The following TNN variants were observed in gnomAD, a reference collection of about 807,000 sequenced individuals.
TNN encodes the protein tenascin N.
TNN carries 122 observed loss-of-function variants against 134.4 expected under a neutral mutation model. That is an observed-to-expected ratio of 0.91 (90% CI 0.78 to 1.06). The LOEUF (loss-of-function observed/expected upper bound fraction) is 1.06. TNN is among the 50% of genes least tolerant of loss of function. TNN has a pLI of 0.00. For missense variants in TNN, 1,739 were observed against 1,699.4 expected (o/e 1.02, Z -0.41); for synonymous variants, 710 against 670.3 (o/e 1.06, Z -0.91).
At chr1:175,086,342 T>C (rs1409088026) in intron 6 of TNN, among the ~76,000 whole-genome samples, 1 of 152,246 alleles carries the variant, frequency 6.6e-6, no homozygotes, top group African/African-American at 2.4e-5. Context: ...AAGTTTGTAA[T>C]TTATTAATCA....
chr1:175,128,239 G>A, intron 14 of TNN, 75 bp downstream of exon 14: 1 of 1,363,590 alleles, frequency 7.3e-7, no homozygotes, highest in Non-Finnish European at 1.0e-6. Flanking sequence ...AGGAGTCCAG[G>A]GAGGAGCAAG....
intron 6 of TNN, among the ~76,000 whole-genome samples, chr1:175,090,076 A>T (rs938198570): frequency 6.6e-6 from 1 of 152,170 alleles, no homozygotes; most frequent in African/African-American, 2.4e-5. Flanking sequence ...GACTTTGTAA[A>T]TATTATCTCT....
rs1160268455 is a variant in TNN at position 175,109,072 on chromosome 1, ATTTTTTT to A, written c.2120-7846_2120-7840del. On this transcript the variant is annotated intron_variant, in intron 9 of 18. Coordinates refer to ENST00000239462, the MANE Select transcript of TNN (RefSeq NM_022093.2). ...GAATGTATTTCTTCTATCTAACTGT[ATTTTTTT>A]TTTTTTTTTTTTTTTTTTTTGAGAC... Among the ~76,000 whole-genome samples, 51 of 61,978 alleles carry A rather than the reference ATTTTTTT, an allele frequency of 8.2e-4. 3 individuals are homozygous for A. Among genetic ancestry groups the A allele is most frequent in the South Asian group, 1.7e-3 (3 of 1,776 alleles). 40.7% of individuals were successfully genotyped at this position (61,978 alleles called of 152,430 possible). A position where few individuals can be genotyped will look rare whatever the true frequency, so the allele number is the denominator to read the frequency against.
Position 175,079,480 on chromosome 1 carries a change from GC to G in TNN, c.559del (p.Leu187CysfsTer94). On this transcript the variant is annotated frameshift_variant, in exon 3 of 19. Coordinates refer to ENST00000239462, the MANE Select transcript of TNN (RefSeq NM_022093.2). LOFTEE classifies it high-confidence loss of function. Reference protein sequence around the residue: ...SGHGRCVDGRCLCHEPYVGAD... With the variant: ...SGHGRCVDGRXLCHEPYVGAD... ...CACGGGCGTTGCGTGGACGGGCGCT[GC>G]CTGTGCCATGAGCCCTACGTGGGTG... 1 of 1,563,370 alleles carries G rather than the reference GC, an allele frequency of 6.4e-7. No individual in the cohort carries two copies. Among genetic ancestry groups the G allele is most frequent in the Non-Finnish European group, 8.6e-7 (1 of 1,156,074 alleles).
intron 9 of TNN, among the ~76,000 whole-genome samples, chr1:175,106,746 A>C (rs1674865425): frequency 6.9e-6 from 1 of 145,430 alleles, no homozygotes; most frequent in African/African-American, 2.5e-5. Flanking sequence ...TGTTGTCGGG[A>C]CCCCGGAGAT....
chr1:175,113,332 C>T lies in TNN; in HGVS notation c.2120-3607C>T, dbSNP rs145965463. Among the ~76,000 whole-genome samples the T allele has an allele frequency of 1.6e-3, 242 of 152,292 alleles. 2 individuals carry two copies. The South Asian group carries it at 0.021, about 13-fold the overall frequency. On this transcript the variant is annotated intron_variant, in intron 9 of 18. Transcript: ENST00000239462. The stretch of plus-strand genomic sequence containing the variant: ...GAATAGACTTGCTGGGTGTGGTATT[C>T]TCAGTTGACAGCTTTTTTTCCACCC...
At chr1:175,083,635 G>T in intron 4 of TNN, 115 bp from the exon 5 acceptor site, 1 of 950,608 alleles carries the variant, frequency 1.1e-6, no homozygotes, top group Non-Finnish European at 1.5e-6. Flanking sequence ...TGGGGCTGAA[G>T]CCAGCTCTTG....
intron 6 of TNN, among the ~76,000 whole-genome samples, chr1:175,092,860 C>T (rs998823707): frequency 6.6e-6 from 1 of 152,194 alleles, no homozygotes; most frequent in Non-Finnish European, 1.5e-5. Context: ...ATTATGACAG[C>T]CTTACCTTTG....
At chr1:175,136,780 A>G (rs763916887) in intron 16 of TNN, 41 bp from the exon 17 acceptor site, 29 of 1,596,154 alleles carry the variant, frequency 1.8e-5, no homozygotes, top group Non-Finnish European at 2.4e-5. Flanking sequence ...ACTCGCACAC[A>G]TGGGTTGATT....
chr1:175,074,983 C>G (rs953283952), intron 1 of TNN, among the ~76,000 whole-genome samples: 4 of 152,178 alleles, frequency 2.6e-5, no homozygotes, highest in Admixed American at 1.3e-4. Flanking sequence ...GTTTCCTTAC[C>G]TTTTGAGTGA....
intron 15 of TNN, among the ~76,000 whole-genome samples, chr1:175,133,750 G>C (rs1675731093): frequency 6.6e-6 from 1 of 152,176 alleles, no homozygotes; most frequent in African/African-American, 2.4e-5. Context: ...AATTAGGATA[G>C]AATGGGCTCC....
intron 16 of TNN, among the ~76,000 whole-genome samples, chr1:175,136,598 G>A (rs1675818306): frequency 6.6e-6 from 1 of 152,122 alleles, no homozygotes; most frequent in African/African-American, 2.4e-5. Flanking sequence ...TCCTTCTGGG[G>A]TTACCCTGCC....
intron 1 of TNN, among the ~76,000 whole-genome samples, chr1:175,071,162 T>A (rs1375115041): frequency 2.6e-5 from 4 of 152,154 alleles, no homozygotes; most frequent in Non-Finnish European, 5.9e-5. Context: ...CAAGGCAGGA[T>A]GAGATAATAA....
chr1:175,099,554 A>G (rs1674663620), intron 9 of TNN, among the ~76,000 whole-genome samples: 1 of 139,248 alleles, frequency 7.2e-6, no homozygotes, highest in Non-Finnish European at 1.5e-5. Flanking sequence ...GTAAGAGGAG[A>G]GGTAAGGGTC....
rs989882845 is a variant in TNN at position 175,070,223 on chromosome 1, C to A, written c.-36+2288C>A. Among the ~76,000 whole-genome samples the A allele has an allele frequency of 3.3e-5, 5 of 152,178 alleles. 1 individual carries two copies. Among genetic ancestry groups the A allele is most frequent in the Admixed American group, 3.3e-4 (5 of 15,282 alleles). The stretch of plus-strand genomic sequence containing the variant: ...CAAGAGGAGATTTTAAAGTGCTTTG[C>A]ACAGAGCCTGGCATGTAATAAATGC... On this transcript the variant is annotated intron_variant, in intron 1 of 18. Transcript: ENST00000239462.
chr1:175,111,105 G>A (rs1489175320), intron 9 of TNN, among the ~76,000 whole-genome samples: 2 of 152,006 alleles, frequency 1.3e-5, no homozygotes, highest in Non-Finnish European at 2.9e-5. Context: ...ATCACCTGAG[G>A]ACAGAAGTTC....
intron 8 of TNN, among the ~76,000 whole-genome samples, chr1:175,098,026 C>A (rs980651482): frequency 2.6e-5 from 4 of 152,184 alleles, no homozygotes; most frequent in Non-Finnish European, 5.9e-5. Flanking sequence ...ATGTTAGGAA[C>A]CCTAAATGTC....
At chr1:175,143,210 A>T (rs1474620578) in intron 17 of TNN, among the ~76,000 whole-genome samples, 1 of 152,168 alleles carries the variant, frequency 6.6e-6, no homozygotes, top group Non-Finnish European at 1.5e-5. Flanking sequence ...TGCTCACTTC[A>T]CAGGGTTGCT....
At chr1:175,134,555 C>T (rs985454658) in intron 15 of TNN, among the ~76,000 whole-genome samples, 1 of 121,042 alleles carries the variant, frequency 8.3e-6, no homozygotes, top group Non-Finnish European at 1.8e-5. Flanking sequence ...AAAAAACAAA[C>T]AAACAACAAC....
Sources: gnomAD v4.1 joint callset for allele counts (sites outside exome capture counted in the v4.1 genomes callset) on GRCh38, gnomAD v4.1.1 for gene constraint, MANE v1.5 for transcripts, NCBI Gene and HGNC (gene_info 2026-07-23, HGNC 2026-07-21) for gene names.